PLXNA2: variants seen among roughly 807,000 people sequenced by gnomAD.
PLXNA2 encodes the protein plexin-A2.
In PLXNA2, 91 loss-of-function variants were observed where a neutral mutation model predicts 193.5. The ratio of observed to expected loss-of-function variants is 0.47; its 90% confidence interval spans 0.40 to 0.56. The LOEUF (loss-of-function observed/expected upper bound fraction) is 0.56. PLXNA2 is among the 20% of genes least tolerant of loss of function. The pLI, the probability that PLXNA2 is intolerant of heterozygous loss-of-function variation, is 0.00. For missense variants in PLXNA2, 1,995 were observed against 2,503.2 expected (o/e 0.80, Z 4.33); for synonymous variants, 997 against 1,027.3 (o/e 0.97, Z 0.56).
At chr1:208,102,334 A>C (rs1266896625) in intron 5 of PLXNA2, among the ~76,000 whole-genome samples, 1 of 152,228 alleles carries the variant, frequency 6.6e-6, no homozygotes, top group African/African-American at 2.4e-5. Context: ...GGAGCCCTGG[A>C]GTTTCCAACT....
chr1:208,217,706 G>A lies in PLXNA2; in HGVS notation c.217C>T (p.Leu73=). The stretch of plus-strand genomic sequence containing the variant: ...ACCTGGATGGTCAGGTTGCCTGTCA[G>A]CTTATAGACCCGGTTGATGGCCCCC... ...YVGAINRVYK[L]TGNLTIQVAH... is the part of the protein sequence containing the mutation. Residue 73 remains leucine, a synonymous_variant, in exon 2 of 32, where the codon CTG becomes TTG. Transcript: ENST00000367033. This position sits in a 1 kb window ranked among gnomAD's most constrained non-coding sequence, Gnocchi z 4.7. The A allele has an allele frequency of 6.2e-7, 1 of 1,614,222 alleles. No homozygotes were observed. The highest frequency in any genetic ancestry group is 8.5e-7 in the Non-Finnish European group (1 of 1,180,028).
At chr1:208,167,020 G>A (rs1041564704) in intron 3 of PLXNA2, among the ~76,000 whole-genome samples, 5 of 152,194 alleles carry the variant, frequency 3.3e-5, no homozygotes, top group African/African-American at 1.2e-4. Context: ...AGAGCTTGGG[G>A]CTACGTTGGA....
At position 208,044,975 on chromosome 1, in the gene PLXNA2, G is replaced by A. The variant is rs959762007; in HGVS notation, c.3639+92C>T. On this transcript the variant is annotated intron_variant, in intron 19 of 31. Coordinates refer to ENST00000367033, the MANE Select transcript of PLXNA2 (RefSeq NM_025179.4). This position sits in a 1 kb window ranked among gnomAD's most constrained non-coding sequence, Gnocchi z 4.9. ...GAGGAGATATGGAGGGGGTGAGTCA[G>A]GCAACGAGACAGAAGAGAGCCTTTC... is the stretch of plus-strand genomic sequence containing the variant. 1 of 1,472,368 alleles carries A rather than the reference G, an allele frequency of 6.8e-7. No homozygotes were observed. The highest frequency in any genetic ancestry group is 9.4e-7 in the Non-Finnish European group (1 of 1,060,708). The allele number at this position is 1,472,368 out of a possible 1,614,324, so 91.2% of individuals were successfully genotyped here.
chr1:208,137,150 C>G (rs558998928), intron 4 of PLXNA2, among the ~76,000 whole-genome samples: 1 of 152,280 alleles, frequency 6.6e-6, no homozygotes, highest in East Asian at 1.9e-4. Context: ...CCCCAGCACC[C>G]ACTCCAAACA....
intron 17 of PLXNA2, among the ~76,000 whole-genome samples, chr1:208,049,810 C>G (rs771015005): frequency 1.3e-5 from 2 of 152,152 alleles, no homozygotes; most frequent in Admixed American, 6.5e-5. Context: ...CTTATGGAAG[C>G]CTCAAGTACC....
At chr1:208,198,477 C>T (rs1426772777) in intron 3 of PLXNA2, among the ~76,000 whole-genome samples, 5 of 152,216 alleles carry the variant, frequency 3.3e-5, no homozygotes, top group Admixed American at 3.3e-4. Context: ...AAGCTCACAG[C>T]AAACAATGAT....
intron 3 of PLXNA2, among the ~76,000 whole-genome samples, chr1:208,188,211 G>A (rs556795206): frequency 4.3e-4 from 66 of 152,276 alleles, no homozygotes; most frequent in African/African-American, 1.5e-3. Flanking sequence ...TACACCTACT[G>A]TAGCCCAAAA....
rs899469338 is a variant in PLXNA2, at chr1:208,038,808, G to T, written c.4660+17C>A. 1.9e-6 allele frequency: 3 copies of T among 1,611,574 alleles called. No homozygotes were observed. The African/African-American group carries it at 4.0e-5, about 21-fold the overall frequency. On this transcript the variant is annotated intron_variant, in intron 25 of 31. Transcript: ENST00000367033. This position sits in a 1 kb window ranked among gnomAD's most constrained non-coding sequence, Gnocchi z 4.1. ...CTCTCAACCCCTGCCCTCACACTCT[G>T]AGTCCAGGTTTCCTACCCAAGTCCA...
chr1:208,137,767 A>G (rs2102477094), intron 4 of PLXNA2, among the ~76,000 whole-genome samples: 1 of 152,254 alleles, frequency 6.6e-6, no homozygotes, highest in African/African-American at 2.4e-5. Flanking sequence ...CCTATTTCTT[A>G]ATTACATTTA....
intron 3 of PLXNA2, among the ~76,000 whole-genome samples, chr1:208,148,020 G>A (rs1415690155): frequency 6.6e-6 from 1 of 152,202 alleles, no homozygotes; most frequent in Non-Finnish European, 1.5e-5. Context: ...TCCTCCAGTT[G>A]AAATGAGAAT....
intron 1 of PLXNA2, among the ~76,000 whole-genome samples, chr1:208,243,318 C>A (rs1300285061): frequency 6.6e-6 from 1 of 152,154 alleles, no homozygotes; most frequent in Non-Finnish European, 1.5e-5. Flanking sequence ...AGCCGCAGAG[C>A]GCCGGCAGGT....
At chr1:208,089,219 T>C (rs533274992) in intron 9 of PLXNA2, among the ~76,000 whole-genome samples, 286 of 152,318 alleles carry the variant, frequency 1.9e-3, no homozygotes, top group African/African-American at 6.4e-3. Context: ...CCATCTTCTA[T>C]GGGCAGTTTC....
chr1:208,031,070 T>G (rs1228364443), intron 29 of PLXNA2: 159 of 990,490 alleles, frequency 1.6e-4, no homozygotes, highest in Non-Finnish European at 1.9e-4. Context: ...AAATCCTCCC[T>G]GTCAGTGGGC....
intron 14 of PLXNA2, among the ~76,000 whole-genome samples, chr1:208,053,329 G>T (rs778778846): frequency 6.6e-6 from 1 of 152,102 alleles, no homozygotes; most frequent in Non-Finnish European, 1.5e-5. Flanking sequence ...GCCCCTCTCC[G>T]CTCTGACTTG....
At chr1:208,065,424 ATGCT>A (rs1665759798) in intron 12 of PLXNA2, among the ~76,000 whole-genome samples, 1 of 152,164 alleles carries the variant, frequency 6.6e-6, no homozygotes, top group South Asian at 2.1e-4. Context: ...ACAGATAATA[ATGCT>A]TGCCTCACAG....
rs779628806 is a variant in PLXNA2, at chr1:208,152,677, ACACACG to A, written c.1372-10220_1372-10215del. The stretch of plus-strand genomic sequence containing the variant: ...TATTCATGCATACACATACACACAC[ACACACG>A]CACACACACACACACACACACACAC... On this transcript the variant is annotated intron_variant, in intron 3 of 31. Transcript: ENST00000367033. 2.3e-3 allele frequency among the ~76,000 whole-genome samples: 267 copies of A among 117,726 alleles called. 1 individual carries two copies. The highest frequency in any genetic ancestry group is 7.6e-3 in the African/African-American group (256 of 33,676). The allele number at this position is 117,726 out of a possible 152,430, so 77.2% of individuals were successfully genotyped here.
intron 4 of PLXNA2, among the ~76,000 whole-genome samples, chr1:208,122,885 T>C (rs568293525): frequency 6.6e-6 from 1 of 152,126 alleles, no homozygotes; most frequent in Non-Finnish European, 1.5e-5. Context: ...TAGGACATGA[T>C]CTTCCCAAGA....
chr1:208,208,469 C>A (rs1434527215), intron 3 of PLXNA2, among the ~76,000 whole-genome samples: 1 of 152,204 alleles, frequency 6.6e-6, no homozygotes, highest in Non-Finnish European at 1.5e-5. Context: ...TCTAAGGTTC[C>A]TTAAAGAATG....
chr1:208,057,622 T>C (rs1320002571), intron 13 of PLXNA2, among the ~76,000 whole-genome samples: 1 of 152,208 alleles, frequency 6.6e-6, no homozygotes. Flanking sequence ...TTTGATTTCT[T>C]GAGGCCTCTT....
Sources: gnomAD v4.1 joint callset for allele counts (sites outside exome capture counted in the v4.1 genomes callset) on GRCh38, gnomAD v4.1.1 for gene constraint, Gnocchi (gnomAD v3.1) non-coding constraint, MANE v1.5 for transcripts, NCBI Gene and HGNC (gene_info 2026-07-23, HGNC 2026-07-21) for gene names.